The following POC1B variants were observed in gnomAD, a reference collection of about 807,000 sequenced individuals.
POC1B encodes POC1 centriolar protein homolog B.
A neutral mutation model predicts 60.6 loss-of-function variants in POC1B; 44 were observed. That is an observed-to-expected ratio of 0.73 (90% CI 0.57 to 0.93). The LOEUF (loss-of-function observed/expected upper bound fraction) is 0.93. Ranked by LOEUF, POC1B falls within the 40% of genes least tolerant of loss-of-function variation. POC1B has a pLI of 0.00. For missense variants in POC1B, 555 were observed against 572.3 expected, an observed-to-expected ratio of 0.97 and a Z score of 0.31; for synonymous variants, 180 against 198.9, an observed-to-expected ratio of 0.90 and a Z score of 0.80.
chr12:89,519,270 A>G (rs1870648750), intron 2 of POC1B: 1 of 152,210 alleles, frequency 6.6e-6, no homozygotes, highest in African/African-American at 2.4e-5. Flanking sequence ...GTTGTAAAAT[A>G]ATATGGGAAT....
intron 3 of POC1B, among the ~76,000 whole-genome samples, chr12:89,495,277 A>T (rs1452450018): frequency 6.6e-6 from 1 of 152,224 alleles, no homozygotes; most frequent in Non-Finnish European, 1.5e-5. Context: ...AGAAGATAGT[A>T]AAAAAGCTAG....
chr12:89,521,937 G>T, intron 2 of POC1B: 1 of 398,722 alleles, frequency 2.5e-6, no homozygotes, highest in South Asian at 1.3e-4. Context: ...ACTTCAGAGA[G>T]GCTTCAATTG....
At chr12:89,407,148 C>CAAAA in the POC1B span, among the ~76,000 whole-genome samples, 3 of 63,378 alleles carry the variant, frequency 4.7e-5, no homozygotes, top group African/African-American at 6.4e-5. Context: ...GACTCCGTCT[C>CAAAA]AAAAAAAAAA....
At chr12:89,429,621 T>C (rs2120670811) in intron 10 of POC1B, among the ~76,000 whole-genome samples, 1 of 152,264 alleles carries the variant, frequency 6.6e-6, no homozygotes, top group South Asian at 2.1e-4. Context: ...CAATGATAAA[T>C]GTACGTATGG....
At chr12:89,417,966 G>A (rs1880392303), downstream of POC1B, among the ~76,000 whole-genome samples, 1 of 152,164 alleles carries the variant, frequency 6.6e-6, no homozygotes, top group Admixed American at 6.5e-5. Context: ...CACAATATAC[G>A]CTGTGTGCCT....
chr12:89,517,395 G>A (rs1870490909), intron 2 of POC1B, among the ~76,000 whole-genome samples: 1 of 152,182 alleles, frequency 6.6e-6, no homozygotes, highest in Admixed American at 6.5e-5. Flanking sequence ...CACTTTGGGA[G>A]ACTGAGGTGG....
chr12:89,403,847 T>C, the POC1B span, among the ~76,000 whole-genome samples: 1 of 152,138 alleles, frequency 6.6e-6, no homozygotes, highest in Admixed American at 6.5e-5. Context: ...AAATAAAAAA[T>C]GTTGGCCGGG....
At chr12:89,408,648 G>A in the POC1B span, among the ~76,000 whole-genome samples, 2 of 151,972 alleles carry the variant, frequency 1.3e-5, no homozygotes, top group African/African-American at 2.4e-5. Context: ...CACCACGCCC[G>A]GCTAATTTTT....
intron 10 of POC1B, among the ~76,000 whole-genome samples, chr12:89,443,671 C>A (rs1317223797): frequency 6.6e-6 from 1 of 151,286 alleles, no homozygotes; most frequent in South Asian, 2.1e-4. Context: ...AAAATTGACA[C>A]CCTAACATCA....
rs865911723 is a variant in POC1B, at chr12:89,503,773, A to G, written c.101-6431T>C. The stretch of plus-strand genomic sequence containing the variant: ...AGCCCCTCCGCCCGGCAGCCGCCCC[A>G]TCTGAGAAGTGAGGAGCCCCTCCGC... On this transcript the variant is annotated intron_variant, in intron 2 of 11. Transcript: ENST00000313546. Among the ~76,000 whole-genome samples, 26 of 83,112 alleles carry G rather than the reference A, an allele frequency of 3.1e-4. 1 individual carries two copies. Among genetic ancestry groups the G allele is most frequent in the African/African-American group, 6.5e-4 (13 of 19,906 alleles). 54.5% of individuals were successfully genotyped at this position (83,112 alleles called of 152,430 possible).
chr12:89,524,461 G>C, intron 2 of POC1B: 1 of 1,613,752 alleles, frequency 6.2e-7, no homozygotes, highest in Non-Finnish European at 8.5e-7. Context: ...ATGAAAAGTA[G>C]AGACCAAGAG....
intron 2 of POC1B, chr12:89,524,544 C>T (rs1349342317): frequency 6.2e-7 from 1 of 1,611,222 alleles, no homozygotes; most frequent in South Asian, 1.1e-5. Context: ...TCCACCTCAC[C>T]GCCATCCGGA....
intron 2 of POC1B, among the ~76,000 whole-genome samples, chr12:89,512,939 T>G (rs1198780121): frequency 6.6e-6 from 1 of 152,168 alleles, no homozygotes; most frequent in African/African-American, 2.4e-5. Context: ...AAACCAGTGC[T>G]TCTCAAAGCA....
chr12:89,435,836 T>C (rs1194699189), intron 10 of POC1B, among the ~76,000 whole-genome samples: 2 of 152,168 alleles, frequency 1.3e-5, no homozygotes, highest in African/African-American at 2.4e-5. Flanking sequence ...TTTTACTTTA[T>C]AATCAGAATG....
At chr12:89,442,447 T>C (rs910311303) in intron 10 of POC1B, among the ~76,000 whole-genome samples, 1 of 152,144 alleles carries the variant, frequency 6.6e-6, no homozygotes, top group South Asian at 2.1e-4. Context: ...TGGGGGCCAA[T>C]ATTCAACATT....
At chr12:89,499,222 C>T (rs1412751485) in intron 2 of POC1B, among the ~76,000 whole-genome samples, 1 of 152,098 alleles carries the variant, frequency 6.6e-6, no homozygotes, top group Admixed American at 6.5e-5. Flanking sequence ...GTGCAATGTG[C>T]CATTATCCTA....
rs556675496 is a variant in POC1B at position 89,505,492 on chromosome 12, T to C, written c.101-8150A>G. On this transcript the variant is annotated intron_variant, in intron 2 of 11. Transcript: ENST00000313546. ...TACCCACTGTGTTAAATTTTACTTATATGAAGTTTAAGAAGAAGCAAAATT... is the reference window on the plus strand; with the variant it reads ...TACCCACTGTGTTAAATTTTACTTACATGAAGTTTAAGAAGAAGCAAAATT... 3.6e-4 allele frequency among the ~76,000 whole-genome samples: 55 copies of C among 152,342 alleles called. 1 individual carries two copies. The highest frequency in any genetic ancestry group is 1.3e-3 in the African/African-American group (52 of 41,580).
chr12:89,504,634 G>A (rs1197415325), intron 2 of POC1B, among the ~76,000 whole-genome samples: 1 of 151,498 alleles, frequency 6.6e-6, no homozygotes, highest in Non-Finnish European at 1.5e-5. Flanking sequence ...AGACATTAAC[G>A]TTAATAAGTA....
intron 10 of POC1B, chr12:89,428,706 A>AC (rs1237984763): frequency 1.3e-5 from 2 of 151,988 alleles, no homozygotes; most frequent in African/African-American, 4.8e-5. Context: ...ACAGGTGCCC[A>AC]CCACCACCTC....
Sources: allele counts gnomAD v4.1 joint callset (sites outside exome capture counted in the v4.1 genomes callset), GRCh38; gene constraint gnomAD v4.1.1; transcripts MANE v1.5; gene names NCBI Gene and HGNC (gene_info 2026-07-23, HGNC 2026-07-21).